Variants in NTRK2 observed in about 807,000 individuals in gnomAD.
NTRK2 encodes the protein neurotrophic receptor tyrosine kinase 2.
A neutral mutation model predicts 94.5 loss-of-function variants in NTRK2; 13 were observed. The observed-to-expected ratio is 0.14, with a 90% CI of 0.09 to 0.22. The LOEUF is 0.22. Ranked by LOEUF, NTRK2 falls within the 10% of genes least tolerant of loss-of-function variation. NTRK2 has a pLI of 1.00. For synonymous variants in NTRK2, 372 were observed against 407.4 expected (o/e 0.91, Z 1.05); for missense variants, 639 against 1,071.2 (o/e 0.60, Z 5.63).
rs551490512 is a variant in NTRK2, at chr9:84,908,777, T to G, written c.1634-25385T>G. Among the ~76,000 whole-genome samples, 6 of 152,296 alleles carry G rather than the reference T, an allele frequency of 3.9e-5. No homozygotes were observed. In the South Asian group the frequency reaches 1.2e-3, roughly 32 times the overall value. On this transcript the variant is annotated intron_variant, in intron 14 of 18. Coordinates refer to ENST00000277120, the MANE Select transcript of NTRK2 (RefSeq NM_006180.6). Reference sequence around the variant, plus strand: ...TGAATGGTAGCTTTTAGTGGCAAACTGTTCCTTACAAGCAAGTAATGTCCT... The same window carrying G: ...TGAATGGTAGCTTTTAGTGGCAAACGGTTCCTTACAAGCAAGTAATGTCCT...
chr9:84,984,160 C>T (rs951123435), intron 17 of NTRK2, among the ~76,000 whole-genome samples: 2 of 152,068 alleles, frequency 1.3e-5, no homozygotes, highest in African/African-American at 2.4e-5. Flanking sequence ...GAGTAAGAGT[C>T]GCCTGGAGGC....
At chr9:84,886,291 T>C (rs919765424) in intron 14 of NTRK2, among the ~76,000 whole-genome samples, 1 of 152,228 alleles carries the variant, frequency 6.6e-6, no homozygotes, top group Non-Finnish European at 1.5e-5. Flanking sequence ...GTTGTCTTCC[T>C]GTATTTTTTC....
chr9:84,764,968 A>G lies in NTRK2; in HGVS notation c.1396+12883A>G, dbSNP rs905722152. Among the ~76,000 whole-genome samples, 3 of 152,324 alleles carry G rather than the reference A, an allele frequency of 2.0e-5. No homozygotes were observed. The South Asian group carries it at 6.2e-4, about 32-fold the overall frequency. On this transcript the variant is annotated intron_variant, in intron 12 of 18. Coordinates refer to ENST00000277120, the MANE Select transcript of NTRK2 (RefSeq NM_006180.6). ...AAATAAGCCAGGCACAGAAAGACAA[A>G]CATAGCATATTCTCACTTATTTGTA...
At chr9:84,936,222 T>C (rs1373898096) in intron 15 of NTRK2, among the ~76,000 whole-genome samples, 1 of 152,348 alleles carries the variant, frequency 6.6e-6, no homozygotes, top group Admixed American at 6.5e-5. Context: ...TTCATCTTAG[T>C]ACCACTTCTT....
chr9:84,968,410 G>A (rs1825812933), intron 17 of NTRK2, among the ~76,000 whole-genome samples: 1 of 152,192 alleles, frequency 6.6e-6, no homozygotes, highest in African/African-American at 2.4e-5. Context: ...CTAAAGCTGT[G>A]TTGGTTGCAA....
intron 12 of NTRK2, among the ~76,000 whole-genome samples, chr9:84,769,557 C>T (rs558805204): frequency 7.9e-5 from 12 of 152,206 alleles, no homozygotes; most frequent in Non-Finnish European, 1.5e-4. Context: ...ATTCAAACAG[C>T]ATCCCAGAAA....
intron 17 of NTRK2, among the ~76,000 whole-genome samples, chr9:84,997,692 G>A (rs1056009011): frequency 1.3e-5 from 2 of 152,180 alleles, no homozygotes; most frequent in Non-Finnish European, 2.9e-5. Context: ...CATGGAGGCT[G>A]ATGATGTGCA....
chr9:84,974,362 A>G (rs182415306), intron 17 of NTRK2, among the ~76,000 whole-genome samples: 66 of 152,342 alleles, frequency 4.3e-4, no homozygotes, highest in Middle Eastern at 3.4e-3. Context: ...TAATACACCC[A>G]AGGATGCATG....
intron 12 of NTRK2, among the ~76,000 whole-genome samples, chr9:84,836,085 C>T (rs959304988): frequency 1.3e-5 from 2 of 152,184 alleles, no homozygotes; most frequent in African/African-American, 4.8e-5. Context: ...CTAGCAAACA[C>T]CATAGTTCTG....
chr9:84,843,301 A>G (rs923937524), intron 12 of NTRK2, among the ~76,000 whole-genome samples: 1 of 152,066 alleles, frequency 6.6e-6, no homozygotes, highest in Non-Finnish European at 1.5e-5. Flanking sequence ...GAGGCATGCG[A>G]CCTGTGTTTC....
intron 12 of NTRK2, chr9:84,814,712 G>T: frequency 9.4e-7 from 1 of 1,064,242 alleles, no homozygotes; most frequent in Non-Finnish European, 1.1e-6. Flanking sequence ...ATCTTGTTTT[G>T]TCTAGACTCC....
At chr9:84,966,576 C>T (rs1825582604) in intron 17 of NTRK2, among the ~76,000 whole-genome samples, 2 of 152,120 alleles carry the variant, frequency 1.3e-5, no homozygotes, top group African/African-American at 4.8e-5. Flanking sequence ...GGATTACAGG[C>T]ACCTGCCACC....
At chr9:84,891,030 T>G (rs1241151315) in intron 14 of NTRK2, among the ~76,000 whole-genome samples, 1 of 152,214 alleles carries the variant, frequency 6.6e-6, no homozygotes. Context: ...ACAATTTACT[T>G]TTCCCATAGT....
intron 9 of NTRK2, among the ~76,000 whole-genome samples, chr9:84,733,848 A>G (rs754310668): frequency 1.3e-5 from 2 of 152,218 alleles, no homozygotes; most frequent in Non-Finnish European, 2.9e-5. Context: ...ATTAAATGGA[A>G]TAGGTGGAAC....
intron 17 of NTRK2, among the ~76,000 whole-genome samples, chr9:84,993,384 C>T (rs1829337014): frequency 6.6e-6 from 1 of 152,202 alleles, no homozygotes; most frequent in African/African-American, 2.4e-5. Context: ...CTCCCATCAC[C>T]AGCATGCCCT....
chr9:84,819,168 C>G (rs945518245), intron 12 of NTRK2, among the ~76,000 whole-genome samples: 2 of 152,136 alleles, frequency 1.3e-5, no homozygotes, highest in African/African-American at 4.8e-5. Flanking sequence ...AAGGAGAAAC[C>G]TCTTTTGTGT....
chr9:84,710,610 A>G (rs751705860), intron 5 of NTRK2, 27 bp from the exon 6 acceptor site: 2 of 1,613,836 alleles, frequency 1.2e-6, no homozygotes, highest in Admixed American at 1.7e-5. Flanking sequence ...AAGGAACTTG[A>G]TCTGTTGTCA....
chr9:84,948,513 G>A lies in NTRK2; in HGVS notation c.1816G>A (p.Glu606Lys), dbSNP rs1564492351. The change falls in exon 16 of 19, where the codon GAG (glutamate) becomes AAG (lysine). Residue 606 changes from glutamate (E) to lysine (K), a missense_variant. Glu to Lys is a moderately conservative substitution (Grantham distance 56). Coordinates refer to ENST00000277120, the MANE Select transcript of NTRK2 (RefSeq NM_006180.6). ...NARKDFHREA[E>K]LLTNLQHEHI... ...ACGCAAGGACTTCCACCGTGAGGCC[G>A]AGCTCCTGACCAACCTCCAGCATGA... The A allele has an allele frequency of 1.2e-6, 2 of 1,614,158 alleles. No homozygotes were observed. The highest frequency in any genetic ancestry group is 1.7e-6 in the Non-Finnish European group (2 of 1,180,032).
At chr9:84,671,734 G>C (rs1158526379) in intron 2 of NTRK2, among the ~76,000 whole-genome samples, 1 of 152,218 alleles carries the variant, frequency 6.6e-6, no homozygotes, top group Non-Finnish European at 1.5e-5. Flanking sequence ...TCTGATGAAG[G>C]CTGGCTTTAG....
Sources: allele counts gnomAD v4.1 joint callset (sites outside exome capture counted in the v4.1 genomes callset), GRCh38; gene constraint gnomAD v4.1.1; transcripts MANE v1.5; gene names NCBI Gene and HGNC (gene_info 2026-07-23, HGNC 2026-07-21).